TNFRSF1B: variants seen among roughly 807,000 people sequenced by gnomAD.
TNFRSF1B encodes the protein TNF receptor superfamily member 1B.
Under a neutral mutation model 44.6 loss-of-function variants are expected in TNFRSF1B, and 19 were observed. The ratio of observed to expected loss-of-function variants is 0.43; its 90% CI spans 0.30 to 0.62. The LOEUF (loss-of-function observed/expected upper bound fraction) is 0.62, where lower values mean the gene tolerates loss of function less well. Among genes scored for constraint, TNFRSF1B ranks in the 20% least tolerant of loss-of-function variants. The probability of loss-of-function intolerance (pLI) is 0.16; values close to 1 mark genes in which losing one functional copy is unlikely to be tolerated. For synonymous variants in TNFRSF1B, 252 were observed against 261.1 expected, an observed-to-expected ratio of 0.97 and a Z score of 0.34; for missense variants, 541 against 619.9, an observed-to-expected ratio of 0.87 and a Z score of 1.35.
rs746580424 is a variant in TNFRSF1B, at chr1:12,178,374, A to G, written c.79-10422A>G. On this transcript the variant is annotated intron_variant, in intron 1 of 9. Transcript: ENST00000376259. The surrounding 1 kb of genome is among the most constrained non-coding windows in gnomAD (Gnocchi z 4.3). ...CACGCCACGTATACTGACTTCATGA[A>G]TCATAAAGCCCTGTGAAGGGGGCAC... Among the ~76,000 whole-genome samples, 2 of 152,144 alleles carry G rather than the reference A, an allele frequency of 1.3e-5. No homozygotes were observed. The highest frequency in any genetic ancestry group is 2.9e-5 in the Non-Finnish European group (2 of 68,040).
rs536867737 is a variant in TNFRSF1B, at chr1:12,192,869, C to A, written c.558C>A (p.Asn186Lys). 1 of 1,613,314 alleles carries A rather than the reference C, an allele frequency of 6.2e-7. No homozygotes were observed. ...AAGCCTCCTCCTCCTCCAGCTGTAA[C>A]GTGGTGGCCATCCCTGGGAATGCAA... ...TDICRPHQIC[N>K]VVAIPGNASM... Residue 186 changes from asparagine (N) to lysine (K), a missense_variant, in exon 6 of 10, where the codon AAC becomes AAA. Physicochemically the swap from Asn to Lys is moderately conservative, Grantham distance 94. Coordinates refer to ENST00000376259, the MANE Select transcript of TNFRSF1B (RefSeq NM_001066.3).
rs1302398925 is a variant in TNFRSF1B, at chr1:12,169,468, G to C, written c.78+2299G>C. ...CCAGGATCACAGAGCTGGGGGCCGG[G>C]GAGCTGGGGGTGGGATTTGAATGCA... On this transcript the variant is annotated intron_variant, in intron 1 of 9. Coordinates refer to ENST00000376259, the MANE Select transcript of TNFRSF1B (RefSeq NM_001066.3). The surrounding 1 kb of genome is among the most constrained non-coding windows in gnomAD (Gnocchi z 4.5). 6.6e-6 allele frequency among the ~76,000 whole-genome samples: 1 copy of C among 152,176 alleles called. No individual in the cohort carries two copies. Among genetic ancestry groups the C allele is most frequent in the East Asian group, 1.9e-4 (1 of 5,190 alleles).
chr1:12,182,726 C>A (rs1638839508), intron 1 of TNFRSF1B, among the ~76,000 whole-genome samples: 1 of 152,238 alleles, frequency 6.6e-6, no homozygotes, highest in Admixed American at 6.5e-5. Context: ...TCTGGCCTGG[C>A]ACATAGTAGT....
At chr1:12,183,403 T>C (rs1057211005) in intron 1 of TNFRSF1B, among the ~76,000 whole-genome samples, 4 of 152,138 alleles carry the variant, frequency 2.6e-5, no homozygotes. Flanking sequence ...CCAATTGGAA[T>C]ATAGATTTAG....
chr1:12,192,386 C>G, intron 4 of TNFRSF1B, 45 bp from the exon 5 acceptor site: 1 of 1,598,280 alleles, frequency 6.3e-7, no homozygotes, highest in African/African-American at 1.3e-5. Flanking sequence ...CCAGCTGTCC[C>G]GCAGAGTGTC....
Position 12,208,169 on chromosome 1 carries a change from G to C in TNFRSF1B, c.*1149G>C, listed in dbSNP as rs780058292. 6.5e-6 allele frequency: 1 copy of C among 152,968 alleles called. No individual in the cohort carries two copies. The highest frequency in any genetic ancestry group is 1.9e-4 in the East Asian group (1 of 5,200). The allele number at this position is 152,968 out of a possible 1,614,324, so 9.5% of individuals were successfully genotyped here. ...CATTTGCACCCTCCGCCTTCACTCC[G>C]GTGTGCCTGCAGCCCCGCGCCTCCT... On this transcript the variant is annotated 3_prime_UTR_variant, in exon 10 of 10. Transcript: ENST00000376259.
rs60313758 is a variant in TNFRSF1B, at chr1:12,198,691, G to GTTTTTTTTTTTTTTT, written c.901-3273_901-3259dup. Among the ~76,000 whole-genome samples the GTTTTTTTTTTTTTTT allele has an allele frequency of 2.1e-3, 179 of 85,594 alleles. 36 individuals carry two copies. The highest frequency in any genetic ancestry group is 4.3e-3 in the East Asian group (13 of 3,004). The allele number at this position is 85,594 out of a possible 152,430, so 56.2% of individuals were successfully genotyped here. A position where few individuals can be genotyped will look rare whatever the true frequency, so the allele number is the denominator to read the frequency against. Reference sequence around the variant, plus strand: ...TGGCTGGCTGGCTGGCTGGAATTCTGTTTTTTTTTTTTTTTTTGAGAAAGA... The same window carrying GTTTTTTTTTTTTTTT: ...TGGCTGGCTGGCTGGCTGGAATTCTGTTTTTTTTTTTTTTTTTTTTTTTTTTTTTTTTGAGAAAGA... On this transcript the variant is annotated intron_variant, in intron 8 of 9. Coordinates refer to ENST00000376259, the MANE Select transcript of TNFRSF1B (RefSeq NM_001066.3).
chr1:12,179,450 G>A (rs908484020), intron 1 of TNFRSF1B, among the ~76,000 whole-genome samples: 3 of 152,194 alleles, frequency 2.0e-5, no homozygotes, highest in Non-Finnish European at 4.4e-5. Flanking sequence ...CCCGCGACCC[G>A]CCATGCAAAT....
rs1418067578 is a variant in TNFRSF1B at position 12,187,171 on chromosome 1, G to A, written c.79-1625G>A. On this transcript the variant is annotated intron_variant, in intron 1 of 9. Coordinates refer to ENST00000376259, the MANE Select transcript of TNFRSF1B (RefSeq NM_001066.3). The surrounding 1 kb of genome is among the most constrained non-coding windows in gnomAD (Gnocchi z 5.5). ...TCTCCCCTCTTTTTTTTTTTTTTTC[G>A]AGATGGAGTTTTGCTCTGTCAATTA... Among the ~76,000 whole-genome samples, 27 of 141,524 alleles carry A rather than the reference G, an allele frequency of 1.9e-4. No homozygotes were observed. Among genetic ancestry groups the A allele is most frequent in the African/African-American group, 6.9e-4 (26 of 37,526 alleles). The allele number at this position is 141,524 out of a possible 152,430, so 92.8% of individuals were successfully genotyped here.
chr1:12,183,711 T>TCTAGCTAGCTA (rs1553163383), intron 1 of TNFRSF1B, among the ~76,000 whole-genome samples: 4 of 93,278 alleles, frequency 4.3e-5, no homozygotes, highest in African/African-American at 1.1e-4. Flanking sequence ...TATCTATCTA[T>TCTAGCTAGCTA]TCTATCTACC....
In TNFRSF1B at chr1:12,178,021, T is replaced by C. The variant is rs1018063892; in HGVS notation, c.79-10775T>C. On this transcript the variant is annotated intron_variant, in intron 1 of 9. Transcript: ENST00000376259. The surrounding 1 kb of genome is among the most constrained non-coding windows in gnomAD (Gnocchi z 4.3). The stretch of plus-strand genomic sequence containing the variant: ...GGCAGAGCCAAGACTCCACCCCAGG[T>C]GGCCAGGCTCCTGAGCGCTATGCCT... 1.1e-4 allele frequency among the ~76,000 whole-genome samples: 16 copies of C among 152,250 alleles called. No homozygotes were observed. Among genetic ancestry groups the C allele is most frequent in the African/African-American group, 3.6e-4 (15 of 41,540 alleles).
intron 1 of TNFRSF1B, among the ~76,000 whole-genome samples, chr1:12,188,048 G>C (rs1281136713): frequency 6.6e-6 from 1 of 152,230 alleles, no homozygotes; most frequent in Non-Finnish European, 1.5e-5. Flanking sequence ...TACCTAGGCA[G>C]TGCTTCAAAA....
At position 12,206,994 on chromosome 1, in the gene TNFRSF1B, C is replaced by A. The variant is rs752294850; in HGVS notation, c.1360C>A (p.Pro454Thr). Reference protein sequence around the residue: ...TEEKPLPLGVPDAGMKPS With the variant: ...TEEKPLPLGVTDAGMKPS Reference sequence around the variant, plus strand: ...AGAGAAGCCCCTGCCCCTTGGAGTGCCTGATGCTGGGATGAAGCCCAGTTA... The same window carrying A: ...AGAGAAGCCCCTGCCCCTTGGAGTGACTGATGCTGGGATGAAGCCCAGTTA... Residue 454 changes from proline (P) to threonine (T), a missense_variant, in exon 10 of 10, where the codon CCT (proline) becomes ACT (threonine). Transcript: ENST00000376259. 1 of 1,594,098 alleles carries A rather than the reference C, an allele frequency of 6.3e-7. No homozygotes were observed.
chr1:12,200,051 G>A (rs1639352946), intron 8 of TNFRSF1B, among the ~76,000 whole-genome samples: 1 of 152,132 alleles, frequency 6.6e-6, no homozygotes, highest in Non-Finnish European at 1.5e-5. Flanking sequence ...CTCCAGAGTT[G>A]AAACCCCAGA....
rs1382882324 is a variant in TNFRSF1B at position 12,178,274 on chromosome 1, G to A, written c.79-10522G>A. 2.0e-5 allele frequency among the ~76,000 whole-genome samples: 3 copies of A among 152,242 alleles called. No homozygotes were observed. The highest frequency in any genetic ancestry group is 7.2e-5 in the African/African-American group (3 of 41,456). ...AGACGCCAGCTGTGGGCTGTGTGCT[G>A]GCTGTGTGTAGGGTGATGAGTAGCA... On this transcript the variant is annotated intron_variant, in intron 1 of 9. Coordinates refer to ENST00000376259, the MANE Select transcript of TNFRSF1B (RefSeq NM_001066.3). The surrounding 1 kb of genome is among the most constrained non-coding windows in gnomAD (Gnocchi z 4.3).
chr1:12,194,114 C>T, intron 7 of TNFRSF1B, 82 bp downstream of exon 7: 2 of 1,156,006 alleles, frequency 1.7e-6, no homozygotes, highest in Admixed American at 1.7e-5. Context: ...GCACTGGGCA[C>T]AGCCTTAGGG....
chr1:12,182,545 G>A (rs529576292), intron 1 of TNFRSF1B, among the ~76,000 whole-genome samples: 26 of 151,808 alleles, frequency 1.7e-4, no homozygotes, highest in Admixed American at 1.6e-3. Flanking sequence ...TACAACACTG[G>A]GTGCTCAGCA....
Position 12,194,525 on chromosome 1 carries a change from C to T in TNFRSF1B, c.866-59C>T, listed in dbSNP as rs544259310. ...TATGGGGCCCCATACTGCCCTCCTA[C>T]TTAGGACAGATGTGCCTGAGGAAGT... is the stretch of plus-strand genomic sequence containing the variant. On this transcript the variant is annotated intron_variant, in intron 7 of 9. Coordinates refer to ENST00000376259, the MANE Select transcript of TNFRSF1B (RefSeq NM_001066.3). The T allele has an allele frequency of 3.7e-6, 6 of 1,607,938 alleles. No individual in the cohort carries two copies. In the African/African-American group the frequency reaches 6.7e-5, roughly 18 times the overall value.
rs547468035 is a variant in TNFRSF1B, at chr1:12,184,594, C to T, written c.79-4202C>T. ...AGGAGGTGGGAGGCCACCACTCAGCCGGCCTGGGGGCCATGGGAGTCCAGC... is the reference window on the plus strand; with the variant it reads ...AGGAGGTGGGAGGCCACCACTCAGCTGGCCTGGGGGCCATGGGAGTCCAGC... On this transcript the variant is annotated intron_variant, in intron 1 of 9. Coordinates refer to ENST00000376259, the MANE Select transcript of TNFRSF1B (RefSeq NM_001066.3). Among the ~76,000 whole-genome samples the T allele has an allele frequency of 1.2e-4, 19 of 152,344 alleles. 1 individual carries two copies. The East Asian group carries it at 3.3e-3, about 26-fold the overall frequency.
Sources: gnomAD v4.1 joint callset for allele counts (sites outside exome capture counted in the v4.1 genomes callset) on GRCh38, gnomAD v4.1.1 for gene constraint, Gnocchi (gnomAD v3.1) non-coding constraint, MANE v1.5 for transcripts, NCBI Gene and HGNC (gene_info 2026-07-23, HGNC 2026-07-21) for gene names.